PEX5L: variants seen among roughly 807,000 people sequenced by gnomAD.
PEX5L encodes peroxisomal biogenesis factor 5 like, also known as PEX5-related protein.
Under a neutral mutation model 84.0 loss-of-function variants are expected in PEX5L, and 30 were observed. The observed-to-expected ratio is 0.36, with a 90% CI of 0.27 to 0.48. The LOEUF (loss-of-function observed/expected upper bound fraction) is 0.48. PEX5L is among the 20% of genes least tolerant of loss of function. The probability of loss-of-function intolerance (pLI) is 0.99; values close to 1 mark genes in which losing one functional copy is unlikely to be tolerated. For missense variants in PEX5L, 533 were observed against 754.6 expected, an observed-to-expected ratio of 0.71 and a Z score of 3.44; for synonymous variants, 270 against 283.1, an observed-to-expected ratio of 0.95 and a Z score of 0.46.
At chr3:179,948,135 ATG>A (rs1231472174) in intron 2 of PEX5L, among the ~76,000 whole-genome samples, 2 of 152,232 alleles carry the variant, frequency 1.3e-5, no homozygotes, top group Non-Finnish European at 2.9e-5. Flanking sequence ...AATAAATAAA[ATG>A]TGTTTGACTT....
intron 1 of PEX5L, among the ~76,000 whole-genome samples, chr3:180,012,809 T>C (rs925987491): frequency 1.3e-5 from 2 of 152,138 alleles, no homozygotes; most frequent in Non-Finnish European, 2.9e-5. Context: ...TATTAGGTTG[T>C]CGACCTAATA....
intron 8 of PEX5L, among the ~76,000 whole-genome samples, chr3:179,851,899 C>G (rs975095470): frequency 1.3e-5 from 2 of 152,156 alleles, no homozygotes; most frequent in African/African-American, 2.4e-5. Flanking sequence ...TTGAAAAATT[C>G]CCATCCAGAA....
chr3:179,971,475 A>AT, intron 2 of PEX5L, 119 bp downstream of exon 2: 1 of 1,296,190 alleles, frequency 7.7e-7, no homozygotes, highest in Admixed American at 4.0e-5. Flanking sequence ...AAATCTTGTT[A>AT]TGCAGGCTTT....
intron 7 of PEX5L, among the ~76,000 whole-genome samples, chr3:179,860,334 G>A (rs529768629): frequency 2.6e-5 from 4 of 152,274 alleles, no homozygotes; most frequent in South Asian, 4.1e-4. Context: ...GAATTTCCCC[G>A]GTCCCTTTTA....
chr3:179,999,060 G>C (rs147353529), intron 1 of PEX5L, among the ~76,000 whole-genome samples: 1,922 of 152,340 alleles, frequency 0.013, 16 homozygotes, highest in Non-Finnish European at 0.02. Flanking sequence ...ACCTGGTTGT[G>C]CACTTTACAT....
intron 10 of PEX5L, among the ~76,000 whole-genome samples, chr3:179,812,124 C>A (rs1724138098): frequency 6.6e-6 from 1 of 152,122 alleles, no homozygotes; most frequent in African/African-American, 2.4e-5. Flanking sequence ...GCGATGGAAA[C>A]CTCTGAATTT....
intron 2 of PEX5L, among the ~76,000 whole-genome samples, chr3:179,949,788 G>C (rs1023963373): frequency 1.3e-5 from 2 of 152,150 alleles, no homozygotes; most frequent in Non-Finnish European, 2.9e-5. Context: ...TTACCTAGAG[G>C]GACAGGCATT....
chr3:179,835,895 G>A (rs1205867887), intron 8 of PEX5L, among the ~76,000 whole-genome samples: 1 of 152,072 alleles, frequency 6.6e-6, no homozygotes, highest in Non-Finnish European at 1.5e-5. Flanking sequence ...CTCAAAATAT[G>A]AGAAAACAAT....
intron 1 of PEX5L, among the ~76,000 whole-genome samples, chr3:179,971,941 T>C (rs1414603636): frequency 6.6e-6 from 1 of 152,190 alleles, no homozygotes; most frequent in African/African-American, 2.4e-5. Flanking sequence ...AGTTCTATAG[T>C]ATCAGAAAAG....
chr3:179,848,551 C>CAAAAAAAA (rs377561010), intron 8 of PEX5L, among the ~76,000 whole-genome samples: 5 of 95,778 alleles, frequency 5.2e-5, no homozygotes, highest in African/African-American at 1.0e-4. Flanking sequence ...AAACCTCTCT[C>CAAAAAAAA]AAAAAAAAAA....
intron 4 of PEX5L, among the ~76,000 whole-genome samples, chr3:179,887,305 T>C (rs1395251914): frequency 6.6e-6 from 1 of 152,126 alleles, no homozygotes; most frequent in Middle Eastern, 3.2e-3. Context: ...ACTTCCGTTA[T>C]ACAAAATATT....
intron 1 of PEX5L, among the ~76,000 whole-genome samples, chr3:180,012,901 T>C (rs1789613974): frequency 6.6e-6 from 1 of 152,118 alleles, no homozygotes; most frequent in African/African-American, 2.4e-5. Flanking sequence ...TGAATCACAC[T>C]GAAAAAAATC....
At chr3:179,973,689 C>T (rs1785333069) in intron 1 of PEX5L, 1 of 985,322 alleles carries the variant, frequency 1.0e-6, no homozygotes, top group Non-Finnish European at 1.2e-6. Context: ...TTCGAAACTG[C>T]AACTTCTACA....
chr3:179,836,198 TA>T (rs986581047), intron 8 of PEX5L, among the ~76,000 whole-genome samples: 12 of 152,132 alleles, frequency 7.9e-5, no homozygotes, highest in Non-Finnish European at 1.8e-4. Context: ...TTCTCATCTA[TA>T]AAAAGGAGTT....
At chr3:179,977,218 C>T (rs1283621892) in intron 1 of PEX5L, among the ~76,000 whole-genome samples, 1 of 152,120 alleles carries the variant, frequency 6.6e-6, no homozygotes, top group African/African-American at 2.4e-5. Flanking sequence ...AACATTGCCA[C>T]AGAAAATACT....
At position 179,874,738 on chromosome 3, in the gene PEX5L, G is replaced by GTTTTTTTTTTTTTTTTTTTTTTTT. The variant is rs3836472; in HGVS notation, c.630-339_630-316dup. ...TAAAAAAATTATGGTTTTTTTTTTTGTTTTTTTTTTTTTTTTTTTTTTTTG... is the reference window on the plus strand; with the variant it reads ...TAAAAAAATTATGGTTTTTTTTTTTGTTTTTTTTTTTTTTTTTTTTTTTTTTTTTTTTTTTTTTTTTTTTTTTTG... On this transcript the variant is annotated intron_variant, in intron 6 of 14. Transcript: ENST00000467460. 2.4e-4 allele frequency among the ~76,000 whole-genome samples: 11 copies of GTTTTTTTTTTTTTTTTTTTTTTTT among 45,992 alleles called. No individual in the cohort carries two copies. The East Asian group carries it at 3.7e-3, about 16-fold the overall frequency. The allele number at this position is 45,992 out of a possible 152,430, so 30.2% of individuals were successfully genotyped here.
chr3:179,890,784 C>G (rs1176606768), intron 3 of PEX5L, among the ~76,000 whole-genome samples: 1 of 151,976 alleles, frequency 6.6e-6, no homozygotes, highest in Non-Finnish European at 1.5e-5. Context: ...TTTTGGAAGA[C>G]CAGGGTGTTA....
In PEX5L at chr3:180,036,771, C is replaced by T; in HGVS notation, c.-172G>A. ...GGCCGGCGGCCACTCGGCAGCGCTG[C>T]GGGCTGCCGGGAACTGTTCTCCGCT... On this transcript the variant is annotated 5_prime_UTR_variant, in exon 1 of 15. Transcript: ENST00000467460. 1 of 683,036 alleles carries T rather than the reference C, an allele frequency of 1.5e-6. No homozygotes were observed. Among genetic ancestry groups the T allele is most frequent in the Non-Finnish European group, 2.7e-6 (1 of 374,736 alleles). 42.3% of individuals were successfully genotyped at this position (683,036 alleles called of 1,614,324 possible).
chr3:179,821,399 A>T (rs1728490042), intron 8 of PEX5L, among the ~76,000 whole-genome samples: 1 of 152,148 alleles, frequency 6.6e-6, no homozygotes, highest in Non-Finnish European at 1.5e-5. Context: ...TCACCTTTTA[A>T]TCTTCTGGTC....
Sources: allele counts gnomAD v4.1 joint callset (sites outside exome capture counted in the v4.1 genomes callset), GRCh38; gene constraint gnomAD v4.1.1; transcripts MANE v1.5; gene names NCBI Gene and HGNC (gene_info 2026-07-23, HGNC 2026-07-21).